SAMHD1: variants seen among roughly 807,000 people sequenced by gnomAD.
The protein encoded by SAMHD1 is deoxynucleoside triphosphate triphosphohydrolase SAMHD1.
Under a neutral mutation model 79.6 loss-of-function variants are expected in SAMHD1, and 54 were observed. The observed-to-expected ratio is 0.68, with a 90% CI of 0.55 to 0.85. The LOEUF is 0.85. Ranked by LOEUF, SAMHD1 falls within the 40% of genes least tolerant of loss-of-function variation. The pLI is 0.00. For synonymous variants in SAMHD1, 260 were observed against 264.1 expected, an observed-to-expected ratio of 0.98 and a Z score of 0.15; for missense variants, 663 against 782.7, an observed-to-expected ratio of 0.85 and a Z score of 1.82.
rs2063639556 is a variant in SAMHD1, at chr20:36,940,945, GCAGATTTC to G, written c.348+86_348+93del. 90 of 908,926 alleles carry G rather than the reference GCAGATTTC, an allele frequency of 9.9e-5. No individual in the cohort carries two copies. The South Asian group carries it at 1.2e-3, about 12-fold the overall frequency. 56.3% of individuals were successfully genotyped at this position (908,926 alleles called of 1,614,324 possible). ...CTACTCACAATTCTATCACTGAGAA[GCAGATTTC>G]CTCCTATTCTCTTCAAAATGAATTT... is the stretch of plus-strand genomic sequence containing the variant. On this transcript the variant is annotated intron_variant, in intron 3 of 15. Transcript: ENST00000646673.
At chr20:36,924,881 G>C (rs1224543817) in intron 6 of SAMHD1, among the ~76,000 whole-genome samples, 1 of 151,946 alleles carries the variant, frequency 6.6e-6, no homozygotes, top group African/African-American at 2.4e-5. Flanking sequence ...TTTCTCGGCC[G>C]GGCACGGTGG....
rs1432746605 is a variant in SAMHD1, at chr20:36,897,989, C to T, written c.1609-30G>A. 5 of 1,613,488 alleles carry T rather than the reference C, an allele frequency of 3.1e-6. No homozygotes were observed. The African/African-American group carries it at 6.7e-5, about 22-fold the overall frequency. Reference sequence around the variant, plus strand: ...TTAAAATGAAGAGATTTCACTATCACCTTGAAGTCACACATTGGAGATATC... The same window carrying T: ...TTAAAATGAAGAGATTTCACTATCATCTTGAAGTCACACATTGGAGATATC... On this transcript the variant is annotated intron_variant, in intron 14 of 15. Coordinates refer to ENST00000646673, the MANE Select transcript of SAMHD1 (RefSeq NM_015474.4).
chr20:36,929,951 C>T (rs1330003632), intron 5 of SAMHD1, among the ~76,000 whole-genome samples: 2 of 151,788 alleles, frequency 1.3e-5, no homozygotes, highest in Admixed American at 6.6e-5. Context: ...CAAGGCCAGG[C>T]GCGGTGGCTT....
chr20:36,918,028 T>A (rs575189190), intron 7 of SAMHD1, among the ~76,000 whole-genome samples: 51 of 152,210 alleles, frequency 3.4e-4, no homozygotes, highest in Middle Eastern at 3.4e-3. Context: ...GATTTTTTTT[T>A]AAATTTGTAG....
chr20:36,901,725 G>A (rs1199499535), intron 13 of SAMHD1, among the ~76,000 whole-genome samples: 2 of 152,274 alleles, frequency 1.3e-5, no homozygotes, highest in East Asian at 3.9e-4. Flanking sequence ...AACAGAGTGA[G>A]ACCTTGTCTC....
chr20:36,908,031 C>G (rs1488161544), intron 11 of SAMHD1, among the ~76,000 whole-genome samples: 2 of 150,690 alleles, frequency 1.3e-5, no homozygotes, highest in Non-Finnish European at 3.0e-5. Flanking sequence ...CCCGCCAGCA[C>G]GCCCAGCTAA....
At chr20:36,940,643 GAGC>G in intron 3 of SAMHD1, 3 of 263,828 alleles carry the variant, frequency 1.1e-5, no homozygotes, top group South Asian at 4.0e-5. Flanking sequence ...AGGTTGGAGT[GAGC>G]TGAGATTGCA....
At chr20:36,928,184 C>T (rs1236733008) in intron 5 of SAMHD1, among the ~76,000 whole-genome samples, 3 of 146,302 alleles carry the variant, frequency 2.1e-5, no homozygotes, top group East Asian at 4.1e-4. Context: ...GTCAGGAGTT[C>T]GAGACCAGCC....
chr20:36,900,832 A>G (rs1192820741), intron 13 of SAMHD1, among the ~76,000 whole-genome samples: 2 of 151,554 alleles, frequency 1.3e-5, no homozygotes, highest in African/African-American at 4.9e-5. Context: ...TTGGCCTCCC[A>G]AAGTGCTGGG....
At chr20:36,908,511 T>C (rs1300844880) in intron 11 of SAMHD1, among the ~76,000 whole-genome samples, 1 of 152,186 alleles carries the variant, frequency 6.6e-6, no homozygotes, top group Non-Finnish European at 1.5e-5. Context: ...GTGCTGGGAT[T>C]ATAGGCACGA....
chr20:36,927,947 C>T (rs2146128606), intron 5 of SAMHD1, among the ~76,000 whole-genome samples: 1 of 152,348 alleles, frequency 6.6e-6, no homozygotes, highest in East Asian at 1.9e-4. Flanking sequence ...CTGCCTCAGC[C>T]ACCTGAATAG....
rs554557264 is a variant in SAMHD1 at position 36,892,590 on chromosome 20, C to T, written c.*342G>A. 2.5e-5 allele frequency: 8 copies of T among 319,874 alleles called. No individual in the cohort carries two copies. The highest frequency in any genetic ancestry group is 1.4e-4 in the South Asian group (5 of 34,732). 19.8% of individuals were successfully genotyped at this position (319,874 alleles called of 1,614,324 possible). ...AGGGTCGCTTGAGCCCAGGAAAGTT[C>T]GAGTCCAAGCTGGGCAACAGAGCAA... is the stretch of plus-strand genomic sequence containing the variant. On this transcript the variant is annotated 3_prime_UTR_variant, in exon 16 of 16. Transcript: ENST00000646673.
intron 1 of SAMHD1, 130 bp downstream of exon 1, chr20:36,951,306 C>T (rs1399599153): frequency 1.5e-6 from 2 of 1,344,990 alleles, no homozygotes; most frequent in African/African-American, 1.4e-5. Context: ...CAGGTCCGCC[C>T]TCCCGGGTGC....
intron 2 of SAMHD1, chr20:36,946,280 G>A: frequency 6.3e-6 from 1 of 158,256 alleles, no homozygotes; most frequent in Non-Finnish European, 1.4e-5. Context: ...AGGCGTGGTG[G>A]CAGGCGCCTG....
chr20:36,946,512 G>C (rs543149726), intron 2 of SAMHD1: 1 of 462,386 alleles, frequency 2.2e-6, no homozygotes, highest in Non-Finnish European at 4.0e-6. Context: ...ACTTGAAGCC[G>C]GGAGGCAGAG....
intron 7 of SAMHD1, among the ~76,000 whole-genome samples, chr20:36,918,731 G>T (rs1023267628): frequency 1.1e-4 from 16 of 141,144 alleles, no homozygotes; most frequent in Non-Finnish European, 2.4e-4. Flanking sequence ...GAGCCTGGGA[G>T]ACAGAGGTTG....
intron 15 of SAMHD1, 193 bp downstream of exon 15, chr20:36,897,629 C>T: frequency 1.5e-6 from 1 of 654,140 alleles, no homozygotes; most frequent in Non-Finnish European, 2.7e-6. Context: ...CCATTCCCAA[C>T]TCCTGTAGGA....
At chr20:36,946,904 T>C in intron 1 of SAMHD1, 100 bp from the exon 2 acceptor site, 1 of 885,922 alleles carries the variant, frequency 1.1e-6, no homozygotes, top group South Asian at 1.4e-5. Context: ...CATAAGTGAG[T>C]ACCCACTGCA....
chr20:36,932,676 CA>C (rs899901464), intron 4 of SAMHD1, among the ~76,000 whole-genome samples: 3 of 151,870 alleles, frequency 2.0e-5, no homozygotes, highest in African/African-American at 7.3e-5. Flanking sequence ...CTCAGCCTCC[CA>C]AAGTGCTGGG....
Sources: allele counts gnomAD v4.1 joint callset (sites outside exome capture counted in the v4.1 genomes callset), GRCh38; gene constraint gnomAD v4.1.1; transcripts MANE v1.5; gene names NCBI Gene and HGNC (gene_info 2026-07-23, HGNC 2026-07-21).